PDXDC1: variants seen among roughly 807,000 people sequenced by gnomAD.
PDXDC1 encodes the protein pyridoxal dependent decarboxylase domain containing 1.
A neutral mutation model predicts 100.1 loss-of-function variants in PDXDC1; 42 were observed. The ratio of observed to expected loss-of-function variants is 0.42; its 90% confidence interval spans 0.33 to 0.54. PDXDC1 has a LOEUF of 0.54. PDXDC1 is among the 20% of genes least tolerant of loss of function. The pLI is 0.10. For synonymous variants in PDXDC1, 260 were observed against 371.7 expected (o/e 0.70, Z 3.46); for missense variants, 636 against 979.2 (o/e 0.65, Z 4.68).
chr16:15,005,190 C>G (rs1363136864), intron 5 of PDXDC1, among the ~76,000 whole-genome samples: 2 of 152,114 alleles, frequency 1.3e-5, no homozygotes, highest in East Asian at 1.9e-4. Flanking sequence ...AACCCTGTCT[C>G]TACTAAAAAT....
intron 15 of PDXDC1, 37 bp downstream of exon 15, chr16:15,029,003 C>A (rs777623783): frequency 3.3e-5 from 52 of 1,598,318 alleles, no homozygotes; most frequent in Non-Finnish European, 4.1e-5. Flanking sequence ...CTTTCAGGTC[C>A]CCGTCCATCA....
At chr16:14,988,497 T>C in intron 1 of PDXDC1, 1 of 1,613,968 alleles carries the variant, frequency 6.2e-7, no homozygotes, top group East Asian at 2.2e-5. Flanking sequence ...GGTGGAGATG[T>C]AGAGCAGTGG....
At chr16:15,098,149 G>A (rs2046422833) in intron 16 of PDXDC1, among the ~76,000 whole-genome samples, 1 of 150,746 alleles carries the variant, frequency 6.6e-6, no homozygotes, top group Non-Finnish European at 1.5e-5. Flanking sequence ...GGGTTGGAGG[G>A]GGCACCAAAA....
intron 16 of PDXDC1, chr16:15,094,444 G>A: frequency 1.7e-6 from 1 of 603,484 alleles, no homozygotes; most frequent in Non-Finnish European, 2.9e-6. Context: ...GCGCTAGTGC[G>A]TGAGTATAAG....
the PDXDC1 span, among the ~76,000 whole-genome samples, chr16:15,144,708 CCA>C: frequency 1.3e-5 from 2 of 152,162 alleles, no homozygotes; most frequent in South Asian, 4.1e-4. Flanking sequence ...CTCCCGGGAC[CCA>C]CAGGCAGGCA....
chr16:15,131,422 G>A (rs772623572), intron 16 of PDXDC1: 32 of 1,607,720 alleles, frequency 2.0e-5, no homozygotes, highest in Admixed American at 1.5e-4. Context: ...GAGGTTAGCC[G>A]GGGCCCTGCT....
In PDXDC1 at chr16:14,975,068, G is replaced by C. The variant is rs1213371179; in HGVS notation, c.-132G>C. 2.0e-6 allele frequency: 3 copies of C among 1,506,464 alleles called. No individual in the cohort carries two copies. Among genetic ancestry groups the C allele is most frequent in the East Asian group, 2.5e-5 (1 of 39,940 alleles). 93.3% of individuals were successfully genotyped at this position (1,506,464 alleles called of 1,614,324 possible). A position where few individuals can be genotyped will look rare whatever the true frequency, so the allele number is the denominator to read the frequency against. On this transcript the variant is annotated 5_prime_UTR_variant, in exon 1 of 23. Transcript: ENST00000396410. Reference sequence around the variant, plus strand: ...CGGCAGCCCGCGGCGCCGCCTGGCAGCTCCTCCTCTTCTCCGCCCCGCCGG... The same window carrying C: ...CGGCAGCCCGCGGCGCCGCCTGGCACCTCCTCCTCTTCTCCGCCCCGCCGG...
intron 16 of PDXDC1, among the ~76,000 whole-genome samples, chr16:15,083,192 C>T (rs552466556): frequency 3.9e-5 from 6 of 152,174 alleles, no homozygotes; most frequent in South Asian, 2.1e-4. Flanking sequence ...CAAGGTCAGG[C>T]GTTCGATACC....
rs781446186 is a variant in PDXDC1 at position 15,035,524 on chromosome 16, C to T, written c.2078C>T (p.Ser693Leu). 10 of 1,611,756 alleles carry T rather than the reference C, an allele frequency of 6.2e-6. No individual in the cohort carries two copies. Among genetic ancestry groups the T allele is most frequent in the Admixed American group, 5.0e-5 (3 of 59,916 alleles). ...GAGVTLPPTPSGSRTKQRLPG... is the reference protein window; with the variant it reads ...GAGVTLPPTPLGSRTKQRLPG... ...GGAGTCACGCTGCCTCCAACGCCCT[C>T]GGGCAGTCGCACCAAGCAGAGGCTT... Residue 693 changes from serine (S) to leucine (L), a missense_variant, in exon 22 of 23, where the codon TCG becomes TTG. Transcript: ENST00000396410.
chr16:15,061,972 TC>T, intron 16 of PDXDC1: 1 of 1,464,566 alleles, frequency 6.8e-7, no homozygotes, highest in South Asian at 1.2e-5. Context: ...AACAATTCCT[TC>T]CTCAGGAAGG....
intron 13 of PDXDC1, chr16:15,025,089 C>T (rs1311634011): frequency 2.6e-5 from 4 of 152,492 alleles, no homozygotes; most frequent in Admixed American, 2.6e-4. Context: ...TGAGCCCAGC[C>T]ATGGTTTAAC....
At chr16:15,145,579 C>T in the PDXDC1 span, among the ~76,000 whole-genome samples, 3 of 152,254 alleles carry the variant, frequency 2.0e-5, no homozygotes, top group African/African-American at 7.2e-5. Context: ...CAGGGCTGGG[C>T]CTTGGGAGCT....
chr16:14,990,084 A>G (rs1351042028), intron 1 of PDXDC1: 9 of 1,492,176 alleles, frequency 6.0e-6, no homozygotes, highest in Non-Finnish European at 7.1e-6. Context: ...TAGGAGGCCA[A>G]GCAGGCAGAG....
chr16:14,984,307 ACCC>A (rs1968718873), intron 1 of PDXDC1, among the ~76,000 whole-genome samples: 1 of 90,214 alleles, frequency 1.1e-5, no homozygotes. Flanking sequence ...CCATCCCTGC[ACCC>A]CCGCCTTTTT....
chr16:15,065,091 G>T (rs552856901), intron 16 of PDXDC1: 2 of 888,448 alleles, frequency 2.3e-6, no homozygotes, highest in Non-Finnish European at 3.5e-6. Context: ...GTGTGAACCC[G>T]GGAGGCGGAG....
intron 16 of PDXDC1, chr16:15,134,155 G>A: frequency 8.1e-7 from 1 of 1,230,270 alleles, no homozygotes; most frequent in Non-Finnish European, 1.2e-6. Flanking sequence ...CGTCCCCTCG[G>A]CCATGGGACC....
At chr16:15,028,805 T>TGGG in intron 14 of PDXDC1, 73 bp from the exon 15 acceptor site, 4 of 1,399,158 alleles carry the variant, frequency 2.9e-6, no homozygotes, top group Non-Finnish European at 4.0e-6. Context: ...GGGAATGATG[T>TGGG]GGGGTTTGGA....
At chr16:15,090,728 C>A (rs1457770838) in intron 16 of PDXDC1, among the ~76,000 whole-genome samples, 2 of 152,294 alleles carry the variant, frequency 1.3e-5, no homozygotes, top group East Asian at 3.9e-4. Context: ...GAATTTCATT[C>A]CAGGCAATCT....
At position 15,127,800 on chromosome 16, in the gene PDXDC1, C is replaced by A. The variant is rs200296265; in HGVS notation, c.1400-11079C>A. 3.4e-6 allele frequency: 5 copies of A among 1,488,988 alleles called. No homozygotes were observed. In the South Asian group the frequency reaches 4.8e-5, roughly 14 times the overall value. The allele number at this position is 1,488,988 out of a possible 1,614,324, so 92.2% of individuals were successfully genotyped here. A position where few individuals can be genotyped will look rare whatever the true frequency, so the allele number is the denominator to read the frequency against. On this transcript the variant is annotated intron_variant, in intron 16 of 16. Transcript: ENST00000535621. The stretch of plus-strand genomic sequence containing the variant: ...GGATGCGAGTGAAACAGCTACGAGG[C>A]GGCCGGTCCCATATGGAGAGCCAGA...
Sources: allele counts gnomAD v4.1 joint callset (sites outside exome capture counted in the v4.1 genomes callset), GRCh38; gene constraint gnomAD v4.1.1; transcripts MANE v1.5; gene names NCBI Gene and HGNC (gene_info 2026-07-23, HGNC 2026-07-21).